The following PTPRD variants were observed in gnomAD, a reference collection of about 807,000 sequenced individuals.
The protein encoded by PTPRD is receptor-type tyrosine-protein phosphatase delta.
In PTPRD, 34 loss-of-function variants were observed where a neutral mutation model predicts 214.5. The observed-to-expected ratio is 0.16, with a 90% CI of 0.12 to 0.21. The LOEUF is 0.21. Ranked by LOEUF, PTPRD falls within the 10% of genes least tolerant of loss-of-function variation. PTPRD has a pLI of 1.00. For synonymous variants in PTPRD, 1,128 were observed against 845.7 expected, an observed-to-expected ratio of 1.33 and a Z score of -5.79; for missense variants, 2,545 against 2,398.7, an observed-to-expected ratio of 1.06 and a Z score of -1.27.
At chr9:9,579,331 G>A (rs542905521) in intron 7 of PTPRD, among the ~76,000 whole-genome samples, 1 of 152,132 alleles carries the variant, frequency 6.6e-6, no homozygotes, top group South Asian at 2.1e-4. Context: ...GGTATTATGA[G>A]CATCTATGTT....
intron 3 of PTPRD, among the ~76,000 whole-genome samples, chr9:10,198,481 A>C (rs2099406775): frequency 6.6e-6 from 1 of 152,142 alleles, no homozygotes; most frequent in African/African-American, 2.4e-5. Context: ...TGATTGCCTG[A>C]AGAGGCGGGT....
rs545670673 is a variant in PTPRD, at chr9:9,593,574, G to T, written c.-286-18793C>A. On this transcript the variant is annotated intron_variant, in intron 7 of 45. Coordinates refer to ENST00000381196, the MANE Select transcript of PTPRD (RefSeq NM_002839.4). ...GGGAGTCACCCCAGATTACTAAAAA[G>T]TTGGAGAACAAATGTCAAGTGAAGG... Among the ~76,000 whole-genome samples, 10 of 152,078 alleles carry T rather than the reference G, an allele frequency of 6.6e-5. No individual in the cohort carries two copies. The South Asian group carries it at 2.1e-3, about 31-fold the overall frequency.
At chr9:10,389,639 G>C (rs912100108) in intron 2 of PTPRD, among the ~76,000 whole-genome samples, 2 of 151,782 alleles carry the variant, frequency 1.3e-5, no homozygotes, top group East Asian at 2.0e-4. Flanking sequence ...TATTCAGATG[G>C]TTAAAAGACA....
intron 5 of PTPRD, among the ~76,000 whole-genome samples, chr9:9,826,112 G>A (rs2052735492): frequency 6.6e-6 from 1 of 151,548 alleles, no homozygotes; most frequent in South Asian, 2.1e-4. Flanking sequence ...GGTCTTCCTT[G>A]TGTATCTTTA....
At chr9:9,386,197 G>C (rs10114748) in intron 9 of PTPRD, among the ~76,000 whole-genome samples, 35,460 of 151,982 alleles carry the variant, frequency 0.23, 4,216 homozygotes, top group Middle Eastern at 0.38. Flanking sequence ...GCATCTTCTA[G>C]ATTTCCCTTA....
At chr9:9,748,179 A>AT (rs1465498952) in intron 6 of PTPRD, among the ~76,000 whole-genome samples, 2 of 152,184 alleles carry the variant, frequency 1.3e-5, no homozygotes, top group East Asian at 3.9e-4. Context: ...AACTTGGTGC[A>AT]TATAAAGATA....
At chr9:8,553,462 T>C (rs2082720163) in intron 14 of PTPRD, among the ~76,000 whole-genome samples, 1 of 152,162 alleles carries the variant, frequency 6.6e-6, no homozygotes, top group Non-Finnish European at 1.5e-5. Context: ...AATGCATTAA[T>C]TCCACTCTAA....
chr9:9,895,892 T>C (rs2074828524), intron 5 of PTPRD, among the ~76,000 whole-genome samples: 2 of 152,010 alleles, frequency 1.3e-5, no homozygotes, highest in African/African-American at 4.8e-5. Context: ...AGGTGATGAA[T>C]AAAGTCATTT....
At chr9:8,623,686 C>A (rs191326079) in intron 14 of PTPRD, among the ~76,000 whole-genome samples, 1 of 151,844 alleles carries the variant, frequency 6.6e-6, no homozygotes, top group Non-Finnish European at 1.5e-5. Flanking sequence ...TGTAATCATC[C>A]TCTTAAGTTT....
At chr9:8,321,477 G>GTATATA (rs1227799696) in intron 44 of PTPRD, among the ~76,000 whole-genome samples, 41 of 75,320 alleles carry the variant, frequency 5.4e-4, no homozygotes, top group African/African-American at 1.6e-3. Context: ...GTGTGTGTGT[G>GTATATA]TGTGTGTGTG....
At chr9:9,209,083 C>G (rs1371382950) in intron 9 of PTPRD, among the ~76,000 whole-genome samples, 1 of 152,126 alleles carries the variant, frequency 6.6e-6, no homozygotes, top group Non-Finnish European at 1.5e-5. Context: ...GCTGGAATTA[C>G]AGGCTTGAGC....
At chr9:10,426,796 T>C (rs2098624042) in intron 2 of PTPRD, among the ~76,000 whole-genome samples, 1 of 152,100 alleles carries the variant, frequency 6.6e-6, no homozygotes, top group Non-Finnish European at 1.5e-5. Flanking sequence ...GCCTGAATAA[T>C]ACTGTAGCCA....
At chr9:8,445,882 T>A (rs185835628) in intron 34 of PTPRD, among the ~76,000 whole-genome samples, 5 of 152,298 alleles carry the variant, frequency 3.3e-5, no homozygotes, top group Admixed American at 1.3e-4. Context: ...CTAGTGGGCT[T>A]CAGCCCTGAA....
At chr9:8,621,466 CAAACCCCAGTCGTACTGGGCA>C (rs780035237) in intron 14 of PTPRD, among the ~76,000 whole-genome samples, 65 of 152,044 alleles carry the variant, frequency 4.3e-4, no homozygotes, top group Admixed American at 7.9e-4. Flanking sequence ...AAGATTGGCT[CAAACCCCAGTCGTACTGGGCA>C]AAACCCCAGT....
chr9:9,883,495 G>A (rs1373017730), intron 5 of PTPRD, among the ~76,000 whole-genome samples: 2 of 152,116 alleles, frequency 1.3e-5, no homozygotes, highest in Admixed American at 6.6e-5. Context: ...GATACTAAAT[G>A]TGCAAAGATG....
intron 33 of PTPRD, among the ~76,000 whole-genome samples, chr9:8,459,854 T>C (rs2096338015): frequency 6.6e-6 from 1 of 152,114 alleles, no homozygotes; most frequent in Non-Finnish European, 1.5e-5. Context: ...GAATAAGAGT[T>C]AGAAGAAAAT....
chr9:9,633,487 A>G (rs1204553509), intron 7 of PTPRD, among the ~76,000 whole-genome samples: 2 of 151,718 alleles, frequency 1.3e-5, no homozygotes, highest in Non-Finnish European at 2.9e-5. Flanking sequence ...TTGCATTGCC[A>G]CTGCATATAG....
At chr9:9,628,414 C>T (rs996068660) in intron 7 of PTPRD, among the ~76,000 whole-genome samples, 10 of 152,100 alleles carry the variant, frequency 6.6e-5, no homozygotes, top group Non-Finnish European at 1.2e-4. Flanking sequence ...TCTTTGATAT[C>T]TCCCCATACA....
chr9:10,407,488 G>C (rs1178974234), intron 2 of PTPRD, among the ~76,000 whole-genome samples: 2 of 151,434 alleles, frequency 1.3e-5, no homozygotes, highest in South Asian at 2.1e-4. Context: ...TAGTTGGTTG[G>C]CTAGCACCAT....
Sources: allele counts gnomAD v4.1 joint callset (sites outside exome capture counted in the v4.1 genomes callset), GRCh38; gene constraint gnomAD v4.1.1; transcripts MANE v1.5; gene names NCBI Gene and HGNC (gene_info 2026-07-23, HGNC 2026-07-21).